MAGI1: variants seen among roughly 807,000 people sequenced by gnomAD.
The protein encoded by MAGI1 is membrane-associated guanylate kinase, WW and PDZ domain-containing protein 1.
MAGI1 carries 58 observed loss-of-function variants against 139.9 expected under a neutral mutation model. That is an observed-to-expected ratio of 0.41 (90% CI 0.34 to 0.52). The LOEUF is 0.52. Among genes scored for constraint, MAGI1 ranks in the 20% least tolerant of loss-of-function variants. The probability of loss-of-function intolerance (pLI) is 0.12; values close to 1 mark genes in which losing one functional copy is unlikely to be tolerated. For missense variants in MAGI1, 1,874 were observed against 1,901.6 expected (o/e 0.99, Z 0.27); for synonymous variants, 812 against 737.9 (o/e 1.10, Z -1.63).
intron 1 of MAGI1, among the ~76,000 whole-genome samples, chr3:65,793,762 C>T (rs2039940976): frequency 6.6e-6 from 1 of 152,182 alleles, no homozygotes; most frequent in Non-Finnish European, 1.5e-5. Flanking sequence ...TTCAGTTTAC[C>T]TTCTCCCAAC....
At chr3:65,822,734 GGAGTATGAGGAAGATA>G (rs2042015058) in intron 1 of MAGI1, among the ~76,000 whole-genome samples, 1 of 152,112 alleles carries the variant, frequency 6.6e-6, no homozygotes, top group African/African-American at 2.4e-5. Context: ...TACAATGGCA[GGAGTATGAGGAAGATA>G]GAGTGTGAGG....
At chr3:65,948,876 G>A (rs2063665012) in intron 1 of MAGI1, among the ~76,000 whole-genome samples, 1 of 152,166 alleles carries the variant, frequency 6.6e-6, no homozygotes, top group Non-Finnish European at 1.5e-5. Flanking sequence ...ACCTATCCAT[G>A]AATTATGCAG....
rs1476584113 is a variant in MAGI1, at chr3:65,783,357, G to C, written c.314-161269C>G. ...CCACTAGGATGGCTACAATCAAAAA[G>C]GCAAAATAAGGCAAGGCACAGGGGC... On this transcript the variant is annotated intron_variant, in intron 1 of 22. Coordinates refer to ENST00000402939, the MANE Select transcript of MAGI1 (RefSeq NM_001033057.2). Among the ~76,000 whole-genome samples, 3 of 152,056 alleles carry C rather than the reference G, an allele frequency of 2.0e-5. No homozygotes were observed. The East Asian group carries it at 5.8e-4, about 29-fold the overall frequency.
At chr3:65,699,899 A>T (rs1340329562) in intron 1 of MAGI1, among the ~76,000 whole-genome samples, 1 of 151,656 alleles carries the variant, frequency 6.6e-6, no homozygotes, top group Non-Finnish European at 1.5e-5. Flanking sequence ...AATTAAAAAA[A>T]TAAAAAAAAA....
At chr3:65,406,253 G>A (rs1945331048) in intron 12 of MAGI1, among the ~76,000 whole-genome samples, 1 of 151,674 alleles carries the variant, frequency 6.6e-6, no homozygotes, top group Admixed American at 6.6e-5. Context: ...CTGGGCTGTT[G>A]GGGAAACCAA....
intron 1 of MAGI1, among the ~76,000 whole-genome samples, chr3:66,014,105 C>A (rs1229522716): frequency 6.6e-6 from 1 of 152,124 alleles, no homozygotes; most frequent in Non-Finnish European, 1.5e-5. Flanking sequence ...TCTCTTGCCC[C>A]AATTCCAATC....
rs544719509 is a variant in MAGI1, at chr3:65,414,847, G to GTC, written c.2168-13379_2168-13378dup. On this transcript the variant is annotated intron_variant, in intron 12 of 22. Coordinates refer to ENST00000402939, the MANE Select transcript of MAGI1 (RefSeq NM_001033057.2). ...AGCCAGATCAACATGGAGAAACCCC[G>GTC]TCTCTACTAAAAAAAAAAAAAAAAA... Among the ~76,000 whole-genome samples, 447 of 143,586 alleles carry GTC rather than the reference G, an allele frequency of 3.1e-3. 6 individuals are homozygous for GTC. Among genetic ancestry groups the GTC allele is most frequent in the Admixed American group, 0.024 (337 of 14,018 alleles). 94.2% of individuals were successfully genotyped at this position (143,586 alleles called of 152,430 possible). A position where few individuals can be genotyped will look rare whatever the true frequency, so the allele number is the denominator to read the frequency against.
At chr3:65,542,364 A>T (rs2079274322) in intron 2 of MAGI1, among the ~76,000 whole-genome samples, 1 of 152,210 alleles carries the variant, frequency 6.6e-6, no homozygotes, top group African/African-American at 2.4e-5. Context: ...TTTTAGATTC[A>T]ATGCTATCCC....
intron 2 of MAGI1, among the ~76,000 whole-genome samples, chr3:65,567,091 A>C (rs2080697009): frequency 6.6e-6 from 1 of 151,672 alleles, no homozygotes; most frequent in South Asian, 2.1e-4. Flanking sequence ...TGCTTCTGAA[A>C]GCAGACAAAA....
intron 1 of MAGI1, among the ~76,000 whole-genome samples, chr3:65,969,757 C>A (rs2064935509): frequency 6.6e-6 from 1 of 152,184 alleles, no homozygotes; most frequent in South Asian, 2.1e-4. Flanking sequence ...CAGCCACTAG[C>A]CATATGGGGC....
At chr3:65,913,505 T>A (rs2061760670) in intron 1 of MAGI1, among the ~76,000 whole-genome samples, 2 of 151,910 alleles carry the variant, frequency 1.3e-5, no homozygotes, top group African/African-American at 4.8e-5. Context: ...TAGGTATAGG[T>A]TGTTTCGGAA....
chr3:65,606,890 T>G (rs1042852626), intron 2 of MAGI1, among the ~76,000 whole-genome samples: 1 of 152,082 alleles, frequency 6.6e-6, no homozygotes, highest in Non-Finnish European at 1.5e-5. Flanking sequence ...ACTCCTGAGC[T>G]CAATCAATCC....
chr3:65,847,008 T>C (rs1276656390), intron 1 of MAGI1, among the ~76,000 whole-genome samples: 1 of 132,032 alleles, frequency 7.6e-6, no homozygotes, highest in East Asian at 2.1e-4. Context: ...CCTAAGCACA[T>C]TTGTTTATAC....
chr3:66,038,229 T>G lies in MAGI1; in HGVS notation c.80A>C (p.Glu27Ala). The change falls in exon 1 of 23, where the codon GAG (glutamate) becomes GCG (alanine). Residue 27 changes from glutamate to alanine, a missense_variant. Physicochemically the swap from Glu to Ala is moderately radical, Grantham distance 107 (BLOSUM62 -1). This residue lies in a region of MAGI1 where 648 missense variants were observed against 598.1 expected (regional missense o/e 1.08). Coordinates refer to ENST00000402939, the MANE Select transcript of MAGI1 (RefSeq NM_001033057.2). The part of the protein sequence containing the change: ...ECTVKRGPQG[E>A]LGVTVLGGAE... ...GCCTCCCAGCACCGTCACCCCCAGC[T>G]CGCCCTGGGGTCCCCGCTTCACGGT... 6.2e-7 allele frequency: 1 copy of G among 1,611,868 alleles called. No homozygotes were observed. Among genetic ancestry groups the G allele is most frequent in the East Asian group, 2.2e-5 (1 of 44,816 alleles).
intron 2 of MAGI1, among the ~76,000 whole-genome samples, chr3:65,502,769 G>A (rs957523105): frequency 5.3e-5 from 8 of 152,140 alleles, no homozygotes; most frequent in Non-Finnish European, 1.2e-4. Context: ...AGGAATTAGG[G>A]ACCCAAAGGT....
chr3:65,967,553 G>A (rs2064816238), intron 1 of MAGI1, among the ~76,000 whole-genome samples: 1 of 152,184 alleles, frequency 6.6e-6, no homozygotes, highest in South Asian at 2.1e-4. Flanking sequence ...ACAGAGAGAA[G>A]CAGATGGGCT....
At chr3:65,726,109 A>T (rs2033576426) in intron 1 of MAGI1, among the ~76,000 whole-genome samples, 1 of 152,198 alleles carries the variant, frequency 6.6e-6, no homozygotes. Context: ...GATTAAATGA[A>T]TTACTGCTGC....
intron 1 of MAGI1, among the ~76,000 whole-genome samples, chr3:65,761,134 C>T (rs2036992121): frequency 6.6e-6 from 1 of 152,176 alleles, no homozygotes; most frequent in Non-Finnish European, 1.5e-5. Flanking sequence ...GATCTGGAAT[C>T]TTCAAGTCCT....
chr3:65,748,663 G>T (rs2035894296), intron 1 of MAGI1, among the ~76,000 whole-genome samples: 1 of 152,122 alleles, frequency 6.6e-6, no homozygotes, highest in South Asian at 2.1e-4. Context: ...CCAAGTTGTA[G>T]GAAGAGATTT....
Sources: allele counts gnomAD v4.1 joint callset (sites outside exome capture counted in the v4.1 genomes callset), GRCh38; gene constraint gnomAD v4.1.1; regional missense constraint gnomAD v4.1.1; transcripts MANE v1.5; gene names NCBI Gene and HGNC (gene_info 2026-07-23, HGNC 2026-07-21).